Variants in GRIK4 observed in about 807,000 individuals in gnomAD.
The protein encoded by GRIK4 is glutamate receptor ionotropic, kainate 4.
In GRIK4, 40 loss-of-function variants were observed where a neutral mutation model predicts 104.9. That is an observed-to-expected ratio of 0.38 (90% confidence interval 0.30 to 0.50). The LOEUF (loss-of-function observed/expected upper bound fraction) is 0.50. GRIK4 is among the 20% of genes least tolerant of loss of function. The probability of loss-of-function intolerance (pLI) is 0.93; values close to 1 mark genes in which losing one functional copy is unlikely to be tolerated. For missense variants in GRIK4, 1,047 were observed against 1,308.1 expected, an observed-to-expected ratio of 0.80 and a Z score of 3.08; for synonymous variants, 485 against 524.9, an observed-to-expected ratio of 0.92 and a Z score of 1.04.
At chr11:120,585,335 C>T (rs1047581328) in intron 1 of GRIK4, among the ~76,000 whole-genome samples, 12 of 144,916 alleles carry the variant, frequency 8.3e-5, no homozygotes, top group African/African-American at 3.0e-4. Flanking sequence ...CTCTCTCCCT[C>T]TCTCTCTCTT....
chr11:120,875,970 G>C (rs1954777613), intron 11 of GRIK4, among the ~76,000 whole-genome samples: 1 of 152,042 alleles, frequency 6.6e-6, no homozygotes. Context: ...CCTTAGAAAA[G>C]GCTGGTAAGT....
intron 1 of GRIK4, among the ~76,000 whole-genome samples, chr11:120,545,504 C>T (rs897205812): frequency 6.6e-6 from 1 of 152,104 alleles, no homozygotes; most frequent in African/African-American, 2.4e-5. Context: ...AAGCACTATT[C>T]GAGGTGTTTT....
intron 4 of GRIK4, among the ~76,000 whole-genome samples, chr11:120,804,874 A>G (rs1420273252): frequency 6.6e-6 from 1 of 152,186 alleles, no homozygotes; most frequent in Non-Finnish European, 1.5e-5. Flanking sequence ...GTCTACTCCC[A>G]GTCCCTCCTG....
intron 3 of GRIK4, among the ~76,000 whole-genome samples, chr11:120,689,265 G>C (rs1950320117): frequency 1.3e-5 from 2 of 151,956 alleles, no homozygotes; most frequent in Non-Finnish European, 2.9e-5. Context: ...ATAACCTCTT[G>C]CCTGGCAAGA....
chr11:120,906,441 C>A (rs17124524), intron 13 of GRIK4, among the ~76,000 whole-genome samples: 2,791 of 152,284 alleles, frequency 0.018, 93 homozygotes, highest in African/African-American at 0.064. Flanking sequence ...TTTAAACACA[C>A]CTTTTAGCTG....
chr11:120,944,299 G>A (rs1228753090), intron 14 of GRIK4, among the ~76,000 whole-genome samples: 1 of 150,788 alleles, frequency 6.6e-6, no homozygotes, highest in Admixed American at 6.6e-5. Context: ...ACTCTCCCTG[G>A]ATAATCTCAC....
chr11:120,556,310 A>G (rs1948185387), intron 1 of GRIK4, among the ~76,000 whole-genome samples: 1 of 151,866 alleles, frequency 6.6e-6, no homozygotes, highest in Non-Finnish European at 1.5e-5. Context: ...AAATACCCCA[A>G]ATCTAACCAC....
chr11:120,882,828 C>T (rs1955003909), intron 11 of GRIK4, among the ~76,000 whole-genome samples: 1 of 152,148 alleles, frequency 6.6e-6, no homozygotes, highest in African/African-American at 2.4e-5. Context: ...TGAGTCCCCT[C>T]GTCTGCACTG....
intron 13 of GRIK4, chr11:120,936,386 A>G: frequency 2.5e-6 from 1 of 395,930 alleles, no homozygotes; most frequent in South Asian, 2.1e-5. Context: ...GTGCATTAGG[A>G]TCTTTTAACT....
At chr11:120,768,597 A>G (rs762761411) in intron 3 of GRIK4, among the ~76,000 whole-genome samples, 10 of 152,222 alleles carry the variant, frequency 6.6e-5, no homozygotes, top group Non-Finnish European at 1.3e-4. Context: ...TAGAAGTTAC[A>G]TGGGCATTCC....
rs996818128 is a variant in GRIK4, at chr11:120,956,158, G to A, written c.1701-622G>A. 4.0e-5 allele frequency among the ~76,000 whole-genome samples: 6 copies of A among 151,800 alleles called. No individual in the cohort carries two copies. Among genetic ancestry groups the A allele is most frequent in the Admixed American group, 1.3e-4 (2 of 15,244 alleles). Reference sequence around the variant, plus strand: ...AGTGACAGAACAAGCGGCTTCCCAGGCTGTCCACCTCTTGACACTCCTAGC... The same window carrying A: ...AGTGACAGAACAAGCGGCTTCCCAGACTGTCCACCTCTTGACACTCCTAGC... On this transcript the variant is annotated intron_variant, in intron 15 of 20. Coordinates refer to ENST00000527524, the MANE Select transcript of GRIK4 (RefSeq NM_014619.5). The surrounding 1 kb of genome is among the most constrained non-coding windows in gnomAD (Gnocchi z 4.6).
Position 120,988,007 on chromosome 11 carries a change from A to G in GRIK4, c.*1747A>G, listed in dbSNP as rs748224130. 6.6e-6 allele frequency: 1 copy of G among 152,532 alleles called. No individual in the cohort carries two copies. The highest frequency in any genetic ancestry group is 1.5e-5 in the Non-Finnish European group (1 of 68,076). The allele number at this position is 152,532 out of a possible 1,614,324, so 9.4% of individuals were successfully genotyped here. A position where few individuals can be genotyped will look rare whatever the true frequency, so the allele number is the denominator to read the frequency against. ...GTTGCAAATGTACTAAAATAAAGAC[A>G]TCTTTGGAAGATGACGAGCTTAATT... is the stretch of plus-strand genomic sequence containing the variant. On this transcript the variant is annotated 3_prime_UTR_variant, in exon 21 of 21. Coordinates refer to ENST00000527524, the MANE Select transcript of GRIK4 (RefSeq NM_014619.5).
At chr11:120,679,105 T>C (rs1950151825) in intron 3 of GRIK4, among the ~76,000 whole-genome samples, 1 of 152,168 alleles carries the variant, frequency 6.6e-6, no homozygotes, top group African/African-American at 2.4e-5. Context: ...AACAGCAGCA[T>C]TTATTCAGTA....
chr11:120,587,271 G>C (rs1362774370), intron 1 of GRIK4, among the ~76,000 whole-genome samples: 1 of 152,046 alleles, frequency 6.6e-6, no homozygotes, highest in Non-Finnish European at 1.5e-5. Flanking sequence ...CGGGGTGAGA[G>C]GCCCCTGGGG....
intron 19 of GRIK4, among the ~76,000 whole-genome samples, chr11:120,978,315 AAGTC>A (rs2134786591): frequency 6.6e-6 from 1 of 152,324 alleles, no homozygotes; most frequent in Admixed American, 6.5e-5. Context: ...GTATACCTAA[AAGTC>A]AGGTAAGAGT....
At chr11:120,864,756 C>T (rs1044484230) in intron 9 of GRIK4, among the ~76,000 whole-genome samples, 9 of 152,182 alleles carry the variant, frequency 5.9e-5, no homozygotes, top group African/African-American at 1.7e-4. Context: ...GAGGGTCCTT[C>T]GGTTCCTAGT....
chr11:120,816,087 C>A (rs1235670058), intron 5 of GRIK4, among the ~76,000 whole-genome samples: 3 of 152,042 alleles, frequency 2.0e-5, no homozygotes, highest in Non-Finnish European at 4.4e-5. Flanking sequence ...GTGTTGAGTC[C>A]ATTTGCTCTA....
chr11:120,805,900 C>T (rs1172067623), intron 4 of GRIK4, among the ~76,000 whole-genome samples: 1 of 152,146 alleles, frequency 6.6e-6, no homozygotes, highest in Admixed American at 6.5e-5. Flanking sequence ...CCTACTTTGG[C>T]GAGGCTGTGT....
chr11:120,941,453 C>A (rs767014919), intron 14 of GRIK4, among the ~76,000 whole-genome samples: 1 of 152,158 alleles, frequency 6.6e-6, no homozygotes, highest in Non-Finnish European at 1.5e-5. Context: ...ATGCTCCCAA[C>A]CCTGTGATGG....
Sources: allele counts gnomAD v4.1 joint callset (sites outside exome capture counted in the v4.1 genomes callset), GRCh38; gene constraint gnomAD v4.1.1; non-coding constraint Gnocchi (gnomAD v3.1); transcripts MANE v1.5; gene names NCBI Gene and HGNC (gene_info 2026-07-23, HGNC 2026-07-21).